The following CEP112 variants were observed in gnomAD, a reference collection of about 807,000 sequenced individuals.
The protein encoded by CEP112 is centrosomal protein 112, also known as centrosomal protein of 112 kDa.
A neutral mutation model predicts 153.0 loss-of-function variants in CEP112; 127 were observed. That is an observed-to-expected ratio of 0.83 (90% CI 0.72 to 0.96). The LOEUF is 0.96. Among genes scored for constraint, CEP112 ranks in the 40% least tolerant of loss-of-function variants. The pLI, the probability that CEP112 is intolerant of heterozygous loss-of-function variation, is 0.00. For missense variants in CEP112, 1,089 were observed against 1,101.2 expected (o/e 0.99, Z 0.16); for synonymous variants, 358 against 374.4 (o/e 0.96, Z 0.51).
At chr17:65,655,651 T>C (rs1257756260) in intron 24 of CEP112, among the ~76,000 whole-genome samples, 1 of 152,132 alleles carries the variant, frequency 6.6e-6, no homozygotes, top group Non-Finnish European at 1.5e-5. Context: ...TTATATAAAC[T>C]GCTAGCCACA....
intron 24 of CEP112, chr17:65,644,587 C>G (rs534159914): frequency 1.3e-5 from 2 of 159,466 alleles, no homozygotes; most frequent in African/African-American, 4.8e-5. Context: ...TGGGCAAAGA[C>G]GTTGATTTTG....
chr17:66,189,384 T>A (rs752095133), intron 1 of CEP112, among the ~76,000 whole-genome samples: 2 of 151,764 alleles, frequency 1.3e-5, no homozygotes, highest in South Asian at 4.2e-4. Flanking sequence ...CACACCTGTA[T>A]TCCCAGCTAC....
chr17:66,017,686 C>T (rs1044733210), intron 16 of CEP112, among the ~76,000 whole-genome samples: 4 of 152,140 alleles, frequency 2.6e-5, no homozygotes, highest in Non-Finnish European at 4.4e-5. Flanking sequence ...CAGATCAATA[C>T]TTTTGGTGGG....
At chr17:65,747,884 A>C (rs1422192026) in intron 22 of CEP112, among the ~76,000 whole-genome samples, 1 of 152,208 alleles carries the variant, frequency 6.6e-6, no homozygotes, top group Non-Finnish European at 1.5e-5. Flanking sequence ...ATATTTTCCA[A>C]ATTTAATCTT....
At chr17:66,034,907 T>C (rs2065648103) in intron 12 of CEP112, among the ~76,000 whole-genome samples, 1 of 149,250 alleles carries the variant, frequency 6.7e-6, no homozygotes, top group Admixed American at 6.7e-5. Flanking sequence ...TCCCAAGTCC[T>C]AATGCTTCAG....
intron 18 of CEP112, among the ~76,000 whole-genome samples, chr17:65,937,510 C>T (rs1376699795): frequency 7.4e-4 from 91 of 122,614 alleles, no homozygotes; most frequent in South Asian, 1.6e-3. Flanking sequence ...GCAACCGCCC[C>T]GTCTGAGAAG....
chr17:65,846,381 G>T (rs930100315), intron 21 of CEP112, among the ~76,000 whole-genome samples: 4 of 152,096 alleles, frequency 2.6e-5, no homozygotes, highest in African/African-American at 9.7e-5. Context: ...CTTATTAAGT[G>T]ATATGAAGGA....
chr17:66,034,077 T>C (rs190567914), intron 12 of CEP112, among the ~76,000 whole-genome samples: 115 of 152,330 alleles, frequency 7.5e-4, no homozygotes, highest in Admixed American at 1.3e-3. Context: ...CCAATTTTGA[T>C]ATACACAGAG....
intron 18 of CEP112, among the ~76,000 whole-genome samples, chr17:65,930,480 T>C (rs1253601456): frequency 6.6e-6 from 1 of 152,216 alleles, no homozygotes; most frequent in Non-Finnish European, 1.5e-5. Context: ...GATTATAGCA[T>C]GCTATTTAGC....
At chr17:65,857,727 C>T (rs1420403538) in intron 20 of CEP112, among the ~76,000 whole-genome samples, 3 of 151,702 alleles carry the variant, frequency 2.0e-5, no homozygotes, top group Non-Finnish European at 4.4e-5. Flanking sequence ...CTCTCCTTGG[C>T]ATATTTTTAA....
At chr17:66,186,397 G>T (rs1345042499) in intron 1 of CEP112, among the ~76,000 whole-genome samples, 2 of 152,086 alleles carry the variant, frequency 1.3e-5, no homozygotes, top group African/African-American at 4.8e-5. Flanking sequence ...CACCTCCCGG[G>T]TTCAAGGGAT....
chr17:66,154,038 G>T (rs2071324614), intron 4 of CEP112, among the ~76,000 whole-genome samples: 2 of 151,736 alleles, frequency 1.3e-5, no homozygotes, highest in Admixed American at 6.6e-5. Flanking sequence ...AATCAGCCAG[G>T]TGTGGTGGCA....
At chr17:65,693,230 G>A (rs543341819) in intron 23 of CEP112, among the ~76,000 whole-genome samples, 30 of 152,008 alleles carry the variant, frequency 2.0e-4, no homozygotes, top group Non-Finnish European at 3.1e-4. Flanking sequence ...TACACTCGGC[G>A]TCCCACACCC....
chr17:66,164,886 ATGTGTGTGTGTG>A (rs57252258), intron 4 of CEP112, among the ~76,000 whole-genome samples: 4,484 of 137,578 alleles, frequency 0.033, 114 homozygotes, highest in Middle Eastern at 0.059. Context: ...ACACACATAT[ATGTGTGTGTGTG>A]TGTGTGTGTG....
chr17:66,009,433 C>A (rs1378507239), intron 16 of CEP112, among the ~76,000 whole-genome samples: 1 of 151,972 alleles, frequency 6.6e-6, no homozygotes, highest in African/African-American at 2.4e-5. Flanking sequence ...GTTTTAGTTC[C>A]TTATATATTT....
chr17:65,694,530 A>G (rs565558059), intron 23 of CEP112, among the ~76,000 whole-genome samples: 34 of 152,346 alleles, frequency 2.2e-4, no homozygotes, highest in Middle Eastern at 3.4e-3. Flanking sequence ...AAAGTTAATC[A>G]GAGAAAGCAG....
chr17:65,736,096 T>TAG (rs1176284751), intron 23 of CEP112, among the ~76,000 whole-genome samples: 1 of 152,126 alleles, frequency 6.6e-6, no homozygotes, highest in Non-Finnish European at 1.5e-5. Context: ...GTGATTGTGC[T>TAG]AGGCAAGGTC....
chr17:65,900,760 C>T (rs2059817440), intron 20 of CEP112, among the ~76,000 whole-genome samples: 1 of 152,000 alleles, frequency 6.6e-6, no homozygotes, highest in South Asian at 2.1e-4. Flanking sequence ...AATTGAATGG[C>T]TAAGAGTCAA....
chr17:65,964,746 T>A (rs527556883), intron 17 of CEP112, among the ~76,000 whole-genome samples: 2 of 152,314 alleles, frequency 1.3e-5, no homozygotes, highest in African/African-American at 4.8e-5. Flanking sequence ...GGTTAGGCAG[T>A]GCAATGACCG....
Sources: allele counts gnomAD v4.1 joint callset (sites outside exome capture counted in the v4.1 genomes callset), GRCh38; gene constraint gnomAD v4.1.1; transcripts MANE v1.5; gene names NCBI Gene and HGNC (gene_info 2026-07-23, HGNC 2026-07-21).